The following SH3D19 variants were observed in gnomAD, a reference collection of about 807,000 sequenced individuals.
SH3D19 encodes the protein SH3 domain-containing protein 19.
In SH3D19, 58 loss-of-function variants were observed where a neutral mutation model predicts 112.1. The ratio of observed to expected loss-of-function variants is 0.52; its 90% CI spans 0.42 to 0.64. SH3D19 has a LOEUF of 0.64. SH3D19 is among the 30% of genes least tolerant of loss of function. SH3D19 has a pLI of 0.00. For missense variants in SH3D19, 1,090 were observed against 1,263.4 expected (o/e 0.86, Z 2.08); for synonymous variants, 391 against 448.5 (o/e 0.87, Z 1.62).
At chr4:151,141,766 G>A (rs1200340780) in intron 12 of SH3D19, among the ~76,000 whole-genome samples, 2 of 152,184 alleles carry the variant, frequency 1.3e-5, no homozygotes, top group Admixed American at 6.5e-5. Flanking sequence ...AGTGTTATTA[G>A]GCTAGATGCC....
intron 1 of SH3D19, among the ~76,000 whole-genome samples, chr4:151,247,816 ATTTAAC>A (rs1231459684): frequency 2.0e-5 from 3 of 152,302 alleles, no homozygotes; most frequent in African/African-American, 2.4e-5. Context: ...TATAAAAAAT[ATTTAAC>A]TTTAAGAATT....
At chr4:151,143,876 T>G (rs750059731) in intron 12 of SH3D19, 34 bp downstream of exon 12, 30 of 1,582,930 alleles carry the variant, frequency 1.9e-5, no homozygotes, top group Non-Finnish European at 3.4e-6. Flanking sequence ...CTGCTATGTG[T>G]GATATGAGGG....
intron 7 of SH3D19, among the ~76,000 whole-genome samples, chr4:151,169,347 C>T (rs776896090): frequency 6.6e-6 from 1 of 152,154 alleles, no homozygotes; most frequent in Non-Finnish European, 1.5e-5. Context: ...TGTTCCACCA[C>T]CGCAGGCTGT....
chr4:151,232,009 C>T (rs1460315571), intron 1 of SH3D19, among the ~76,000 whole-genome samples: 5 of 152,076 alleles, frequency 3.3e-5, no homozygotes, highest in East Asian at 3.9e-4. Flanking sequence ...CATGGTGAAA[C>T]CCTGTCTCTA....
At chr4:151,269,418 T>C (rs1405639070) in intron 1 of SH3D19, among the ~76,000 whole-genome samples, 2 of 152,230 alleles carry the variant, frequency 1.3e-5, no homozygotes, top group Non-Finnish European at 2.9e-5. Flanking sequence ...TGGTAGTTTC[T>C]TTTGCTGTGC....
intron 1 of SH3D19, among the ~76,000 whole-genome samples, chr4:151,231,725 C>T (rs923950209): frequency 6.6e-6 from 1 of 152,096 alleles, no homozygotes; most frequent in Admixed American, 6.6e-5. Flanking sequence ...CTGCTGCTGC[C>T]CATGCTTCCA....
chr4:151,296,016 C>G (rs1328784975), intron 1 of SH3D19, among the ~76,000 whole-genome samples: 1 of 125,716 alleles, frequency 8.0e-6, no homozygotes, highest in Non-Finnish European at 1.6e-5. Flanking sequence ...AGCCTGGCGA[C>G]AGAGCAAGGC....
chr4:151,255,145 C>T (rs1404638281), intron 1 of SH3D19, among the ~76,000 whole-genome samples: 2 of 151,734 alleles, frequency 1.3e-5, no homozygotes, highest in Admixed American at 1.3e-4. Context: ...CACCTCCCTC[C>T]CAGACGGGGT....
chr4:151,223,597 T>C (rs1245227508), intron 2 of SH3D19, among the ~76,000 whole-genome samples: 1 of 152,222 alleles, frequency 6.6e-6, no homozygotes, highest in Non-Finnish European at 1.5e-5. Flanking sequence ...AGAATTCTGC[T>C]AGTTTCCTCC....
chr4:151,206,073 G>C (rs1765061927), intron 2 of SH3D19, among the ~76,000 whole-genome samples: 1 of 152,116 alleles, frequency 6.6e-6, no homozygotes, highest in African/African-American at 2.4e-5. Flanking sequence ...AGAACCTTAA[G>C]AACTGTCTTC....
chr4:151,256,045 G>GGAGAGGGAGAGA (rs368834873), intron 1 of SH3D19, among the ~76,000 whole-genome samples: 1 of 130,206 alleles, frequency 7.7e-6, no homozygotes, highest in Non-Finnish European at 1.7e-5. Flanking sequence ...AGAGGGAGAG[G>GGAGAGGGAGAGA]GAGAGCCTTG....
intron 1 of SH3D19, among the ~76,000 whole-genome samples, chr4:151,252,630 C>A (rs1270990162): frequency 6.6e-6 from 1 of 152,152 alleles, no homozygotes; most frequent in Non-Finnish European, 1.5e-5. Context: ...GCTGATGACA[C>A]CCTAATCTAG....
chr4:151,148,277 A>C (rs979474944), intron 10 of SH3D19, 91 bp from the exon 11 acceptor site: 4 of 1,136,996 alleles, frequency 3.5e-6, no homozygotes, highest in Non-Finnish European at 5.0e-6. Context: ...ACACACACAC[A>C]CACACACACA....
In SH3D19 at chr4:151,325,299, G is replaced by A. The variant is rs1223032913; in HGVS notation, c.54C>T (p.Arg18=). Residue 18 remains arginine, a synonymous_variant, in exon 1 of 20, where the codon CGC becomes CGT. Coordinates refer to ENST00000604030, the MANE Select transcript of SH3D19 (RefSeq NM_001378122.1). The stretch of plus-strand genomic sequence containing the variant: ...GGGCGCGGCGCTGGCCACCAAGTTC[G>A]CGGCGCTCGCGTAGCTCTTCCTCCT... ...EDEEEELRER[R]ELGGQRRARG... 1.6e-6 allele frequency: 2 copies of A among 1,220,094 alleles called. No homozygotes were observed. The highest frequency in any genetic ancestry group is 8.6e-5 in the Admixed American group (2 of 23,252). 75.6% of individuals were successfully genotyped at this position (1,220,094 alleles called of 1,614,324 possible).
intron 1 of SH3D19, among the ~76,000 whole-genome samples, chr4:151,242,659 A>G (rs997467562): frequency 1.3e-5 from 2 of 152,218 alleles, no homozygotes; most frequent in African/African-American, 4.8e-5. Context: ...AATGAAAAGG[A>G]GAAAGTATAT....
At chr4:151,142,880 C>T (rs886316199) in intron 12 of SH3D19, among the ~76,000 whole-genome samples, 5 of 152,156 alleles carry the variant, frequency 3.3e-5, no homozygotes, top group African/African-American at 1.2e-4. Flanking sequence ...CAACTCTCTG[C>T]AAGTCTATAG....
At chr4:151,126,734 C>T (rs1183118783) in intron 19 of SH3D19, among the ~76,000 whole-genome samples, 1 of 144,480 alleles carries the variant, frequency 6.9e-6, no homozygotes, top group Non-Finnish European at 1.5e-5. Context: ...GGAGGTGGAG[C>T]TTGCAGTGAG....
intron 2 of SH3D19, among the ~76,000 whole-genome samples, chr4:151,207,394 C>G (rs1006109009): frequency 1.3e-5 from 2 of 152,186 alleles, no homozygotes; most frequent in Non-Finnish European, 2.9e-5. Context: ...AGTGGCCTAT[C>G]TTTTCCTACT....
chr4:151,210,507 T>A (rs1765802397), intron 2 of SH3D19, among the ~76,000 whole-genome samples: 1 of 151,662 alleles, frequency 6.6e-6, no homozygotes. Context: ...GTTCCTGCCA[T>A]TCTCCTGCCT....
Sources: allele counts gnomAD v4.1 joint callset (sites outside exome capture counted in the v4.1 genomes callset), GRCh38; gene constraint gnomAD v4.1.1; transcripts MANE v1.5; gene names NCBI Gene and HGNC (gene_info 2026-07-23, HGNC 2026-07-21).